The following SLC39A10 variants were observed in gnomAD, a reference collection of about 807,000 sequenced individuals.
SLC39A10 encodes the protein zinc transporter ZIP10.
A neutral mutation model predicts 65.1 loss-of-function variants in SLC39A10; 13 were observed. The ratio of observed to expected loss-of-function variants is 0.20; its 90% CI spans 0.13 to 0.32. The LOEUF is 0.32. Among genes scored for constraint, SLC39A10 ranks in the 10% least tolerant of loss-of-function variants. SLC39A10 has a pLI of 1.00. For missense variants in SLC39A10, 831 were observed against 1,018.4 expected, an observed-to-expected ratio of 0.82 and a Z score of 2.50; for synonymous variants, 321 against 342.2, an observed-to-expected ratio of 0.94 and a Z score of 0.68.
chr2:195,690,140 C>T (rs568283447), intron 3 of SLC39A10, among the ~76,000 whole-genome samples: 1 of 128,404 alleles, frequency 7.8e-6, no homozygotes, highest in African/African-American at 3.0e-5. Flanking sequence ...CACACCACTG[C>T]ACTCCAGACT....
At chr2:195,685,705 C>T (rs2105779538) in intron 3 of SLC39A10, among the ~76,000 whole-genome samples, 1 of 152,252 alleles carries the variant, frequency 6.6e-6, no homozygotes, top group South Asian at 2.1e-4. Context: ...AAATTATGTT[C>T]CCTTCCTTGA....
chr2:195,633,402 C>T (rs918238776), intron 2 of SLC39A10, among the ~76,000 whole-genome samples: 4 of 152,226 alleles, frequency 2.6e-5, no homozygotes, highest in African/African-American at 9.7e-5. Context: ...AGAGGGAATA[C>T]CGATGACCCC....
chr2:195,637,452 C>T (rs1688717491), intron 2 of SLC39A10, among the ~76,000 whole-genome samples: 1 of 152,168 alleles, frequency 6.6e-6, no homozygotes, highest in Admixed American at 6.5e-5. Context: ...GGCTCACTTC[C>T]AGGTTCTACA....
intron 2 of SLC39A10, among the ~76,000 whole-genome samples, chr2:195,637,586 G>A (rs1415213269): frequency 6.6e-6 from 1 of 152,082 alleles, no homozygotes; most frequent in Non-Finnish European, 1.5e-5. Flanking sequence ...GAATAATGGT[G>A]GTCAAGAAAA....
chr2:195,678,687 C>T (rs554812582), intron 1 of SLC39A10, among the ~76,000 whole-genome samples: 216 of 151,610 alleles, frequency 1.4e-3, no homozygotes, highest in African/African-American at 2.6e-3. Context: ...TCAAGATCTG[C>T]GCTTTCCAGT....
Position 195,734,972 on chromosome 2 carries a change from C to G in SLC39A10, c.2427C>G (p.Leu809=). 1 of 1,613,850 alleles carries G rather than the reference C, an allele frequency of 6.2e-7. No individual in the cohort carries two copies. The highest frequency in any genetic ancestry group is 8.5e-7 in the Non-Finnish European group (1 of 1,179,902). Residue 809 remains leucine (L), a synonymous_variant, in exon 10 of 10, where the codon CTC becomes CTG. Coordinates refer to ENST00000359634, the MANE Select transcript of SLC39A10 (RefSeq NM_020342.3). The stretch of plus-strand genomic sequence containing the variant: ...TCATCCTTCAGAATTTAGGATTGCT[C>G]TTTGGATTTGCCATTATGCTGGTGA... ...GQFILQNLGL[L]FGFAIMLVIA... is the part of the protein sequence containing the mutation.
chr2:195,690,166 ACT>A (rs1347364101), intron 3 of SLC39A10, among the ~76,000 whole-genome samples: 3 of 89,614 alleles, frequency 3.3e-5, no homozygotes, highest in Admixed American at 3.5e-4. Context: ...ACAGAGTGAG[ACT>A]CTCTGAAAAA....
chr2:195,660,082 A>G (rs184340289), intron 1 of SLC39A10, among the ~76,000 whole-genome samples: 233 of 152,220 alleles, frequency 1.5e-3, no homozygotes, highest in African/African-American at 5.5e-3. Flanking sequence ...TTTTTTTGTC[A>G]CATACTGCTT....
At position 195,737,442 on chromosome 2, in the gene SLC39A10, A is replaced by T. The variant is rs139644053; in HGVS notation, c.*2401A>T. On this transcript the variant is annotated 3_prime_UTR_variant, in exon 10 of 10. Transcript: ENST00000359634. ...TGATTATGCTTAGAAATACTATAGT[A>T]ACTAGATGCAGTGTGAATTTTTTCC... 1 of 161,948 alleles carries T rather than the reference A, an allele frequency of 6.2e-6. No individual in the cohort carries two copies. Among genetic ancestry groups the T allele is most frequent in the African/African-American group, 2.4e-5 (1 of 41,452 alleles). 10.0% of individuals were successfully genotyped at this position (161,948 alleles called of 1,614,324 possible).
intron 1 of SLC39A10, among the ~76,000 whole-genome samples, chr2:195,669,230 G>A (rs1689754800): frequency 6.6e-6 from 1 of 152,138 alleles, no homozygotes; most frequent in Non-Finnish European, 1.5e-5. Flanking sequence ...TTTCTATTGA[G>A]TAAGTAGTAT....
intron 8 of SLC39A10, among the ~76,000 whole-genome samples, chr2:195,725,388 A>G (rs1325564706): frequency 6.6e-6 from 1 of 152,196 alleles, no homozygotes; most frequent in Non-Finnish European, 1.5e-5. Flanking sequence ...CTTCAATCAT[A>G]GTAAAACAAA....
intron 3 of SLC39A10, among the ~76,000 whole-genome samples, chr2:195,697,822 G>A (rs1490717224): frequency 2.0e-5 from 3 of 152,108 alleles, no homozygotes; most frequent in Admixed American, 6.6e-5. Context: ...ATGAAGAAAA[G>A]CTCCACATCA....
At chr2:195,613,500 G>A (rs571604272) in intron 2 of SLC39A10, among the ~76,000 whole-genome samples, 1 of 152,302 alleles carries the variant, frequency 6.6e-6, no homozygotes, top group Non-Finnish European at 1.5e-5. Flanking sequence ...AATTTTGAAA[G>A]TGCTTAGGAG....
At chr2:195,729,452 A>T (rs1431485283) in intron 9 of SLC39A10, among the ~76,000 whole-genome samples, 1 of 152,038 alleles carries the variant, frequency 6.6e-6, no homozygotes, top group African/African-American at 2.4e-5. Flanking sequence ...CTTGCTTCTG[A>T]TTTCATGGGG....
chr2:195,655,993 C>T (rs1559017364), upstream of SLC39A10, among the ~76,000 whole-genome samples: 1 of 152,158 alleles, frequency 6.6e-6, no homozygotes, highest in African/African-American at 2.4e-5. Flanking sequence ...CTCTGTGATA[C>T]CAGGCAAGTT....
intron 9 of SLC39A10, among the ~76,000 whole-genome samples, chr2:195,729,170 T>C (rs1029211314): frequency 1.3e-5 from 2 of 151,704 alleles, no homozygotes; most frequent in Non-Finnish European, 2.9e-5. Flanking sequence ...TTTATAGAGA[T>C]AGGGTCTTTC....
At chr2:195,649,867 A>C (rs1040332597) in intron 2 of SLC39A10, among the ~76,000 whole-genome samples, 3 of 152,250 alleles carry the variant, frequency 2.0e-5, no homozygotes, top group Admixed American at 2.0e-4. Context: ...GCCTGGAAGC[A>C]AGATTGAGAA....
rs147097419 is a variant in SLC39A10 at position 195,624,135 on chromosome 2, C to T, written c.-12+17902C>T. 1.0e-3 allele frequency among the ~76,000 whole-genome samples: 153 copies of T among 152,014 alleles called. 4 individuals are homozygous for T. In the East Asian group the frequency reaches 0.028, roughly 27 times the overall value. On this transcript the variant is annotated intron_variant, in intron 2 of 2. Coordinates refer to the SLC39A10 transcript ENST00000458054. Reference sequence around the variant, plus strand: ...GTGCGGTGGTTCATACCTGTAATTCCGGCACTTTGGGAGGCCGAGGCGGGT... The same window carrying T: ...GTGCGGTGGTTCATACCTGTAATTCTGGCACTTTGGGAGGCCGAGGCGGGT...
intron 1 of SLC39A10, among the ~76,000 whole-genome samples, chr2:195,667,304 A>C (rs932363975): frequency 6.6e-6 from 1 of 152,208 alleles, no homozygotes; most frequent in Non-Finnish European, 1.5e-5. Flanking sequence ...GGGATGAAAA[A>C]GCAAACCATG....
Sources: allele counts gnomAD v4.1 joint callset (sites outside exome capture counted in the v4.1 genomes callset), GRCh38; gene constraint gnomAD v4.1.1; transcripts MANE v1.5; gene names NCBI Gene and HGNC (gene_info 2026-07-23, HGNC 2026-07-21).